The following TULP1 variants were observed in gnomAD, a reference collection of about 807,000 sequenced individuals.
TULP1 encodes the protein tubby-related protein 1.
In TULP1, 50 loss-of-function variants were observed where a neutral mutation model predicts 67.1. The observed-to-expected ratio is 0.75, with a 90% CI of 0.59 to 0.94. The LOEUF is 0.94. TULP1 is among the 40% of genes least tolerant of loss of function. The pLI is 0.00. For synonymous variants in TULP1, 297 were observed against 294.0 expected (o/e 1.01, Z -0.11); for missense variants, 746 against 734.1 (o/e 1.02, Z -0.19).
chr6:35,512,264 CG>C lies in TULP1; in HGVS notation c.105del (p.Ala36ProfsTer6). On this transcript the variant is annotated frameshift_variant, in exon 3 of 15. Transcript: ENST00000229771. LOFTEE classifies it high-confidence loss of function. ...PEAPRRPKQR[P>X]APAQRLRKKR... ...TTCTTCCTTAGCCTCTGTGCCGGGG[CG>C]GGTCGCTGCGGAACGGGGGTCAAGA... The C allele has an allele frequency of 7.2e-7, 1 of 1,396,120 alleles. No individual in the cohort carries two copies. The highest frequency in any genetic ancestry group is 9.3e-7 in the Non-Finnish European group (1 of 1,073,410). The allele number at this position is 1,396,120 out of a possible 1,614,324, so 86.5% of individuals were successfully genotyped here. A position where few individuals can be genotyped will look rare whatever the true frequency, so the allele number is the denominator to read the frequency against.
intron 13 of TULP1, among the ~76,000 whole-genome samples, chr6:35,501,251 A>G (rs1195589125): frequency 1.3e-5 from 2 of 152,046 alleles, no homozygotes; most frequent in African/African-American, 4.8e-5. Context: ...TCACGCATAT[A>G]ATCCCAACAC....
Position 35,506,184 on chromosome 6 carries a change from G to A in TULP1, c.829-11C>T, listed in dbSNP as rs1227595722. On this transcript the variant is annotated splice_polypyrimidine_tract_variant and intron_variant, in intron 9 of 14. Transcript: ENST00000229771. ...GGCCCTCTCCTCCTTCTGGGTGGGG[G>A]CAGAGGGTACATCAGCCCCAGAGCA... is the stretch of plus-strand genomic sequence containing the variant. 1.9e-6 allele frequency: 3 copies of A among 1,613,386 alleles called. No homozygotes were observed. Among genetic ancestry groups the A allele is most frequent in the Non-Finnish European group, 2.5e-6 (3 of 1,179,792 alleles).
At chr6:35,510,717 A>T (rs1761178830) in intron 5 of TULP1, 144 bp downstream of exon 5, 1 of 1,576,642 alleles carries the variant, frequency 6.3e-7, no homozygotes. Flanking sequence ...TCGTGGGGAG[A>T]AATTATCAGA....
chr6:35,503,951 T>TGG lies in TULP1; in HGVS notation c.1113-105_1113-104dup, dbSNP rs1761027775. The TGG allele has an allele frequency of 1.2e-6, 1 of 862,686 alleles. No homozygotes were observed. The highest frequency in any genetic ancestry group is 1.7e-5 in the African/African-American group (1 of 59,924). 53.4% of individuals were successfully genotyped at this position (862,686 alleles called of 1,614,324 possible). A position where few individuals can be genotyped will look rare whatever the true frequency, so the allele number is the denominator to read the frequency against. On this transcript the variant is annotated intron_variant, in intron 11 of 14. Coordinates refer to ENST00000229771, the MANE Select transcript of TULP1 (RefSeq NM_003322.6). This position sits in a 1 kb window ranked among gnomAD's most constrained non-coding sequence, Gnocchi z 4.0. The stretch of plus-strand genomic sequence containing the variant: ...CAGTTTAGAGAGCTTCCTACAAGGG[T>TGG]GGGGGTGAGTTAGGACTGAGCAATT...
At chr6:35,505,916 C>T (rs1761071493) in intron 10 of TULP1, 63 bp from the exon 11 acceptor site, 1 of 1,614,134 alleles carries the variant, frequency 6.2e-7, no homozygotes, top group Admixed American at 1.7e-5. Flanking sequence ...TGGAGGTGAG[C>T]TGCAGGGAGA....
At chr6:35,511,379 A>G (rs1263578828) in intron 4 of TULP1, among the ~76,000 whole-genome samples, 2 of 152,046 alleles carry the variant, frequency 1.3e-5, no homozygotes, top group Non-Finnish European at 2.9e-5. Flanking sequence ...CATCTGGGCT[A>G]CTTCTGGCTC....
chr6:35,512,730 T>C (rs1761236995), intron 1 of TULP1, 40 bp from the exon 2 acceptor site: 1 of 1,587,712 alleles, frequency 6.3e-7, no homozygotes, highest in African/African-American at 1.4e-5. Flanking sequence ...CCCTTCCCCT[T>C]CCCTCCCCAT....
In TULP1 at chr6:35,509,649, C is replaced by A; in HGVS notation, c.703G>T (p.Ala235Ser). 1 of 1,614,126 alleles carries A rather than the reference C, an allele frequency of 6.2e-7. No homozygotes were observed. The highest frequency in any genetic ancestry group is 8.5e-7 in the Non-Finnish European group (1 of 1,180,030). Residue 235 changes from alanine (A) to serine (S), a missense_variant, in exon 7 of 15, where the codon GCC becomes TCC. Transcript: ENST00000229771. Reference sequence around the variant, plus strand: ...TGCCATCCACCTTTCTTCTTCAGGGCTTTCTTGTCAGGACTGCCTTCCCCA... The same window carrying A: ...TGCCATCCACCTTTCTTCTTCAGGGATTTCTTGTCAGGACTGCCTTCCCCA... ...LVGEGSPDKK[A>S]LKKKGTPKGA...
chr6:35,509,752 T>C lies in TULP1; in HGVS notation c.602-2A>G. Reference sequence around the variant, plus strand: ...GGTCCTTGTCGGCCTCCCCAGACCCTGCATGTGTGGATGTGAAAGCGTCAC... The same window carrying C: ...GGTCCTTGTCGGCCTCCCCAGACCCCGCATGTGTGGATGTGAAAGCGTCAC... On this transcript the variant is annotated splice_acceptor_variant, in intron 6 of 14. Coordinates refer to ENST00000229771, the MANE Select transcript of TULP1 (RefSeq NM_003322.6). LOFTEE classifies it high-confidence loss of function. The C allele has an allele frequency of 6.2e-7, 1 of 1,614,108 alleles. No individual in the cohort carries two copies. Among genetic ancestry groups the C allele is most frequent in the Non-Finnish European group, 8.5e-7 (1 of 1,179,998 alleles).
At position 35,503,284 on chromosome 6, in the gene TULP1, T is replaced by C. The variant is rs1172544290; in HGVS notation, c.1323+275A>G. On this transcript the variant is annotated intron_variant, in intron 13 of 14. Coordinates refer to ENST00000229771, the MANE Select transcript of TULP1 (RefSeq NM_003322.6). This position sits in a 1 kb window ranked among gnomAD's most constrained non-coding sequence, Gnocchi z 4.0. The stretch of plus-strand genomic sequence containing the variant: ...TGTCCACTGATGTCTTCCAGGTGCC[T>C]AGGATAATACTTGGCACTCAATATG... 1 of 445,144 alleles carries C rather than the reference T, an allele frequency of 2.2e-6. No individual in the cohort carries two copies. Among genetic ancestry groups the C allele is most frequent in the Non-Finnish European group, 4.2e-6 (1 of 239,278 alleles). The allele number at this position is 445,144 out of a possible 1,614,324, so 27.6% of individuals were successfully genotyped here. A position where few individuals can be genotyped will look rare whatever the true frequency, so the allele number is the denominator to read the frequency against.
chr6:35,504,560 T>G (rs1761043246), intron 11 of TULP1, among the ~76,000 whole-genome samples: 1 of 152,116 alleles, frequency 6.6e-6, no homozygotes, highest in Non-Finnish European at 1.5e-5. Context: ...GAAGTGACTT[T>G]TTTTTTCTTT....
At position 35,502,354 on chromosome 6, in the gene TULP1, C is replaced by T. The variant is rs926389674; in HGVS notation, c.1323+1205G>A. Among the ~76,000 whole-genome samples the T allele has an allele frequency of 1.8e-4, 27 of 151,700 alleles. No individual in the cohort carries two copies. In the East Asian group the frequency reaches 5.0e-3, roughly 28 times the overall value. Reference sequence around the variant, plus strand: ...GATTACAGGCGCCTGTCACCATGCCCAGTTAATTTTTGTATTTTTAGTAGA... The same window carrying T: ...GATTACAGGCGCCTGTCACCATGCCTAGTTAATTTTTGTATTTTTAGTAGA... On this transcript the variant is annotated intron_variant, in intron 13 of 14. Transcript: ENST00000229771.
In TULP1 at chr6:35,503,371, C is replaced by A; in HGVS notation, c.1323+188G>T. On this transcript the variant is annotated intron_variant, in intron 13 of 14. Transcript: ENST00000229771. This position sits in a 1 kb window ranked among gnomAD's most constrained non-coding sequence, Gnocchi z 4.0. Reference sequence around the variant, plus strand: ...AATTTGATGTAAACTCCAAAAACAACCAAAAAGCCCATTGTGGTTTTTCAG... The same window carrying A: ...AATTTGATGTAAACTCCAAAAACAAACAAAAAGCCCATTGTGGTTTTTCAG... 1 of 627,562 alleles carries A rather than the reference C, an allele frequency of 1.6e-6. No homozygotes were observed. Among genetic ancestry groups the A allele is most frequent in the East Asian group, 2.8e-5 (1 of 36,114 alleles). 38.9% of individuals were successfully genotyped at this position (627,562 alleles called of 1,614,324 possible). A position where few individuals can be genotyped will look rare whatever the true frequency, so the allele number is the denominator to read the frequency against.
Position 35,506,172 on chromosome 6 carries a change from T to G in TULP1, c.830A>C (p.Lys277Thr), listed in dbSNP as rs1761084153. ...KAKGKGKKKA[K>T]EERAPSPPVE... ...GGGGGGAGACGGGGCCCTCTCCTCCTTCTGGGTGGGGGCAGAGGGTACATC... is the reference window on the plus strand; with the variant it reads ...GGGGGGAGACGGGGCCCTCTCCTCCGTCTGGGTGGGGGCAGAGGGTACATC... Residue 277 changes from lysine (K) to threonine (T), a missense_variant and splice_region_variant, in exon 10 of 15, where the codon AAG becomes ACG. By Grantham distance (78) the Lys-to-Thr change is moderately conservative. Around this residue, in one of 3 missense-constraint regions of TULP1, gnomAD observed 383 missense variants for 374.1 expected, o/e 1.02. Coordinates refer to ENST00000229771, the MANE Select transcript of TULP1 (RefSeq NM_003322.6). The G allele has an allele frequency of 1.9e-6, 3 of 1,613,296 alleles. No individual in the cohort carries two copies. In the Admixed American group the frequency reaches 5.0e-5, roughly 27 times the overall value.
At chr6:35,501,178 C>T (rs1436580916) in intron 13 of TULP1, among the ~76,000 whole-genome samples, 1 of 151,780 alleles carries the variant, frequency 6.6e-6, no homozygotes, top group Non-Finnish European at 1.5e-5. Context: ...CTTAAACTCA[C>T]ACACACACAC....
rs1768758531 is a variant in TULP1, at chr6:35,498,517, GC to G, written c.1496-58del. On this transcript the variant is annotated intron_variant, in intron 14 of 14. Transcript: ENST00000229771. This position sits in a 1 kb window ranked among gnomAD's most constrained non-coding sequence, Gnocchi z 6.7. ...GAGACCTCCTTGGACCCCCATCCTG[GC>G]AGACAGTGCCCTCAACCTTGGGGGC... is the stretch of plus-strand genomic sequence containing the variant. 1.2e-6 allele frequency: 2 copies of G among 1,609,904 alleles called. No homozygotes were observed. The highest frequency in any genetic ancestry group is 1.7e-4 in the Middle Eastern group (1 of 6,028).
At chr6:35,509,613 C>T in intron 7 of TULP1, 21 bp downstream of exon 7, 2 of 1,611,032 alleles carry the variant, frequency 1.2e-6, no homozygotes, top group South Asian at 2.2e-5. Flanking sequence ...TGTCACCACA[C>T]CAGAAGCCCT....
In TULP1 at chr6:35,506,080, G is replaced by C. The variant is rs142310368; in HGVS notation, c.922C>G (p.Arg308Gly). Residue 308 changes from arginine (R) to glycine (G), a missense_variant, in exon 10 of 15, where the codon CGG (arginine) becomes GGG (glycine). This residue lies in a region of TULP1 where 383 missense variants were observed against 374.1 expected (regional missense o/e 1.02). Coordinates refer to ENST00000229771, the MANE Select transcript of TULP1 (RefSeq NM_003322.6). The part of the protein sequence containing the change: ...PAPQGRTVRC[R>G]LTRDKKGMDR... Reference sequence around the variant, plus strand: ...ATGCCCTTTTTGTCCCGGGTCAGCCGGCAGCGCACCGTGCGGCCCTGGGGG... The same window carrying C: ...ATGCCCTTTTTGTCCCGGGTCAGCCCGCAGCGCACCGTGCGGCCCTGGGGG... The C allele has an allele frequency of 3.7e-6, 6 of 1,613,546 alleles. No individual in the cohort carries two copies. In the South Asian group the frequency reaches 5.5e-5, roughly 15 times the overall value.
intron 8 of TULP1, among the ~76,000 whole-genome samples, chr6:35,508,489 A>T (rs982912812): frequency 9.2e-5 from 14 of 152,098 alleles, no homozygotes; most frequent in African/African-American, 3.4e-4. Flanking sequence ...ACAAAGCTAA[A>T]ATCCAGGCCC....
Sources: allele counts gnomAD v4.1 joint callset (sites outside exome capture counted in the v4.1 genomes callset), GRCh38; gene constraint gnomAD v4.1.1; regional missense constraint gnomAD v4.1.1; non-coding constraint Gnocchi (gnomAD v3.1); transcripts MANE v1.5; gene names NCBI Gene and HGNC (gene_info 2026-07-23, HGNC 2026-07-21).